SH3BGRL2: variants seen among roughly 807,000 people sequenced by gnomAD.
The protein encoded by SH3BGRL2 is SH3 domain-binding glutamic acid-rich-like protein 2.
In SH3BGRL2, 21 loss-of-function variants were observed where a neutral mutation model predicts 14.8. The ratio of observed to expected loss-of-function variants is 1.42; its 90% CI spans 1.01 to 2.05. The LOEUF (loss-of-function observed/expected upper bound fraction) is 2.05, where lower values mean the gene tolerates loss of function less well. SH3BGRL2 is among the 30% of genes most tolerant of loss of function. The pLI is 0.00. For missense variants in SH3BGRL2, 147 were observed against 130.8 expected (o/e 1.12, Z -0.61); for synonymous variants, 50 against 47.8 (o/e 1.05, Z -0.19).
At chr6:79,586,701 TA>T in the SH3BGRL2 span, among the ~76,000 whole-genome samples, 1 of 152,190 alleles carries the variant, frequency 6.6e-6, no homozygotes, top group Non-Finnish European at 1.5e-5. Flanking sequence ...CCTTCTGTAC[TA>T]AGGCCTATCC....
chr6:79,637,377 C>T (rs1332436880), intron 1 of SH3BGRL2, among the ~76,000 whole-genome samples: 1 of 151,548 alleles, frequency 6.6e-6, no homozygotes, highest in African/African-American at 2.4e-5. Context: ...TTTTTTTAGC[C>T]AAGATAAAAT....
intron 1 of SH3BGRL2, among the ~76,000 whole-genome samples, chr6:79,663,391 T>G (rs1219294366): frequency 6.6e-6 from 1 of 152,254 alleles, no homozygotes; most frequent in Non-Finnish European, 1.5e-5. Context: ...GTTTTCCTTC[T>G]GACAGTCAGT....
At chr6:79,554,361 T>A in the SH3BGRL2 span, among the ~76,000 whole-genome samples, 1 of 152,158 alleles carries the variant, frequency 6.6e-6, no homozygotes, top group South Asian at 2.1e-4. Context: ...AATCACAAAG[T>A]TTTTGCTAAG....
chr6:79,590,424 G>GACATATATATATATATATATATAT, the SH3BGRL2 span, among the ~76,000 whole-genome samples: 1 of 66,666 alleles, frequency 1.5e-5, no homozygotes, highest in Non-Finnish European at 2.7e-5. Context: ...AAGAAAATGT[G>GACATATATATATATATATATATAT]ATATATATAT....
At chr6:79,650,458 A>G (rs1769264692) in intron 1 of SH3BGRL2, among the ~76,000 whole-genome samples, 1 of 152,166 alleles carries the variant, frequency 6.6e-6, no homozygotes, top group Admixed American at 6.6e-5. Flanking sequence ...GGTAATTTAT[A>G]AAGAAAAGAG....
At chr6:79,693,279 G>A (rs561054244) in intron 2 of SH3BGRL2, among the ~76,000 whole-genome samples, 3 of 152,054 alleles carry the variant, frequency 2.0e-5, no homozygotes, top group East Asian at 3.9e-4. Flanking sequence ...GGGTTTTCTA[G>A]ATATACAATC....
chr6:79,591,382 T>G, the SH3BGRL2 span, among the ~76,000 whole-genome samples: 1 of 152,186 alleles, frequency 6.6e-6, no homozygotes, highest in East Asian at 1.9e-4. Flanking sequence ...CCTTCTCTTC[T>G]TTTTATTCAA....
At chr6:79,595,965 A>G in the SH3BGRL2 span, among the ~76,000 whole-genome samples, 1 of 152,242 alleles carries the variant, frequency 6.6e-6, no homozygotes, top group Admixed American at 6.5e-5. Flanking sequence ...ATAATAAGTG[A>G]GTTCAGCTAG....
At chr6:79,647,857 A>G (rs942131507) in intron 1 of SH3BGRL2, among the ~76,000 whole-genome samples, 13 of 152,072 alleles carry the variant, frequency 8.5e-5, no homozygotes, top group African/African-American at 3.1e-4. Flanking sequence ...TTTTTTGTCA[A>G]ATACATAAAT....
chr6:79,652,798 G>A (rs550680246), intron 1 of SH3BGRL2, among the ~76,000 whole-genome samples: 5 of 152,092 alleles, frequency 3.3e-5, no homozygotes, highest in East Asian at 3.9e-4. Flanking sequence ...ACTATGTAAC[G>A]TTCTATATTT....
At chr6:79,690,716 A>G (rs1457695595) in intron 2 of SH3BGRL2, among the ~76,000 whole-genome samples, 1 of 152,176 alleles carries the variant, frequency 6.6e-6, no homozygotes, top group South Asian at 2.1e-4. Flanking sequence ...CCAGAAATGA[A>G]TCTGTGGTTG....
At chr6:79,544,680 G>A in the SH3BGRL2 span, among the ~76,000 whole-genome samples, 1 of 151,990 alleles carries the variant, frequency 6.6e-6, no homozygotes, top group Non-Finnish European at 1.5e-5. Context: ...ATTTTAGTTA[G>A]TAAAAATCAA....
chr6:79,601,329 T>C, the SH3BGRL2 span, among the ~76,000 whole-genome samples: 1 of 152,094 alleles, frequency 6.6e-6, no homozygotes, highest in South Asian at 2.1e-4. Context: ...GCTGGGACTA[T>C]AGGCATGCAG....
intron 2 of SH3BGRL2, among the ~76,000 whole-genome samples, chr6:79,691,630 T>C (rs893169566): frequency 9.3e-5 from 14 of 151,212 alleles, no homozygotes; most frequent in African/African-American, 3.4e-4. Context: ...CTTGCGATAG[T>C]TTGCTGAGAA....
At chr6:79,625,100 A>G in the SH3BGRL2 span, among the ~76,000 whole-genome samples, 1 of 152,018 alleles carries the variant, frequency 6.6e-6, no homozygotes, top group Non-Finnish European at 1.5e-5. Flanking sequence ...TTGAGCCCTG[A>G]AGGTCAAGGC....
chr6:79,673,944 T>C (rs946746983), intron 2 of SH3BGRL2, 145 bp downstream of exon 2: 1 of 836,638 alleles, frequency 1.2e-6, no homozygotes, highest in Non-Finnish European at 1.8e-6. Context: ...GAGGGTGAAG[T>C]TGAGAAGGGA....
chr6:79,695,289 A>G (rs1483797409), intron 2 of SH3BGRL2, among the ~76,000 whole-genome samples: 1 of 152,254 alleles, frequency 6.6e-6, no homozygotes, highest in Non-Finnish European at 1.5e-5. Context: ...CAGAAGGAGC[A>G]GCCTGTGAAA....
At chr6:79,605,138 C>T in the SH3BGRL2 span, among the ~76,000 whole-genome samples, 1 of 152,216 alleles carries the variant, frequency 6.6e-6, no homozygotes, top group Admixed American at 6.5e-5. Flanking sequence ...TGTTTTCACA[C>T]TCTTGAAATG....
chr6:79,602,413 G>T, the SH3BGRL2 span, among the ~76,000 whole-genome samples: 1 of 152,192 alleles, frequency 6.6e-6, no homozygotes, highest in Non-Finnish European at 1.5e-5. Flanking sequence ...ATAAGATTCA[G>T]GGAGAACAGG....
Sources: gnomAD v4.1 joint callset for allele counts (sites outside exome capture counted in the v4.1 genomes callset) on GRCh38, gnomAD v4.1.1 for gene constraint, MANE v1.5 for transcripts, NCBI Gene and HGNC (gene_info 2026-07-23, HGNC 2026-07-21) for gene names.